TLK2: variants seen among roughly 807,000 people sequenced by gnomAD.
The protein encoded by TLK2 is serine/threonine-protein kinase tousled-like 2.
In TLK2, 6 loss-of-function variants were observed where a neutral mutation model predicts 117.3. That is an observed-to-expected ratio of 0.05 (90% CI 0.03 to 0.10). TLK2 has a LOEUF of 0.10. TLK2 is among the 10% of genes least tolerant of loss of function. TLK2 has a pLI of 1.00. For missense variants in TLK2, 299 were observed against 901.2 expected, an observed-to-expected ratio of 0.33 and a Z score of 8.56; for synonymous variants, 257 against 316.7, an observed-to-expected ratio of 0.81 and a Z score of 2.00.
At chr17:62,589,957 C>T (rs8068168) in intron 16 of TLK2, among the ~76,000 whole-genome samples, 3,700 of 151,626 alleles carry the variant, frequency 0.024, 140 homozygotes, top group African/African-American at 0.084. Context: ...CATGTGCCTG[C>T]CACCAAGCCT....
chr17:62,481,261 T>A, intron 2 of TLK2, 55 bp downstream of exon 2: 1 of 1,597,154 alleles, frequency 6.3e-7, no homozygotes, highest in Non-Finnish European at 8.6e-7. Context: ...AACACATTTT[T>A]TAAATGATTA....
At chr17:62,595,431 A>G (rs1395320519) in intron 16 of TLK2, among the ~76,000 whole-genome samples, 1 of 151,970 alleles carries the variant, frequency 6.6e-6, no homozygotes, top group African/African-American at 2.4e-5. Context: ...TAGGTGCTAG[A>G]CTTTAATATG....
chr17:62,549,419 A>AAAAAAAAAAAAAATT, intron 7 of TLK2, among the ~76,000 whole-genome samples: 1 of 7,760 alleles, frequency 1.3e-4, no homozygotes, highest in Non-Finnish European at 4.8e-4. Context: ...AAAAAAAAAA[A>AAAAAAAAAAAAAATT]AAAAAAAAAA....
At chr17:62,496,318 G>A (rs1329500979) in intron 2 of TLK2, among the ~76,000 whole-genome samples, 2 of 152,060 alleles carry the variant, frequency 1.3e-5, no homozygotes, top group Non-Finnish European at 2.9e-5. Flanking sequence ...CCTGTTGATG[G>A]ACACTTAGAT....
chr17:62,485,105 T>G (rs1336897909), intron 2 of TLK2, among the ~76,000 whole-genome samples: 1 of 152,174 alleles, frequency 6.6e-6, no homozygotes, highest in African/African-American at 2.4e-5. Context: ...CAAAAAAGAT[T>G]TCAGCCCCTG....
rs1006351065 is a variant in TLK2 at position 62,606,152 on chromosome 17, G to T, written c.1882G>T (p.Val628Leu). The T allele has an allele frequency of 1.3e-6, 2 of 1,572,702 alleles. No individual in the cohort carries two copies. The highest frequency in any genetic ancestry group is 8.7e-7 in the Non-Finnish European group (1 of 1,153,190). ...TYWYLPPECF[V>L]VGKEPPKISN... Reference sequence around the variant, plus strand: ...CAGGTATTTACCACCAGAGTGTTTTGTGGTTGGGAAAGAACCACCAAAGAT... The same window carrying T: ...CAGGTATTTACCACCAGAGTGTTTTTTGGTTGGGAAAGAACCACCAAAGAT... Residue 628 changes from valine to leucine, a missense_variant, in exon 20 of 22, where the codon GTG (valine) becomes TTG (leucine). By Grantham distance (32) the Val-to-Leu change is conservative. Around this residue, in one of 4 missense-constraint regions of TLK2, gnomAD observed 81 missense variants for 370.9 expected, o/e 0.22. Transcript: ENST00000346027.
chr17:62,516,410 C>G, intron 2 of TLK2: 2 of 1,589,378 alleles, frequency 1.3e-6, no homozygotes, highest in Admixed American at 1.7e-5. Flanking sequence ...GCTTTCTTGT[C>G]GGCACCAGGT....
chr17:62,600,176 G>A (rs1180213105), intron 17 of TLK2: 1 of 152,590 alleles, frequency 6.6e-6, no homozygotes, highest in South Asian at 2.1e-4. Flanking sequence ...TTTGCAGTGC[G>A]AATTGTGTAC....
chr17:62,600,917 G>T (rs888175564), intron 18 of TLK2, 97 bp downstream of exon 18: 1 of 1,256,918 alleles, frequency 8.0e-7, no homozygotes. Context: ...CAGCAGCCAA[G>T]AAAGGCTAAT....
intron 2 of TLK2, among the ~76,000 whole-genome samples, chr17:62,515,755 A>G (rs2075528783): frequency 6.6e-6 from 1 of 152,196 alleles, no homozygotes; most frequent in African/African-American, 2.4e-5. Context: ...GTAAATTGCA[A>G]GCATTTTCTC....
At chr17:62,487,620 CTTTTTTTTTT>C (rs71155932) in intron 2 of TLK2, among the ~76,000 whole-genome samples, 1 of 104,310 alleles carries the variant, frequency 9.6e-6, no homozygotes, top group Non-Finnish European at 1.7e-5. Flanking sequence ...TGGCAAGTAT[CTTTTTTTTTT>C]TTTTTTTTTT....
intron 16 of TLK2, among the ~76,000 whole-genome samples, chr17:62,590,845 G>T (rs879890633): frequency 1.3e-5 from 2 of 152,168 alleles, no homozygotes; most frequent in African/African-American, 2.4e-5. Context: ...AAATAAAAAC[G>T]TACATACTTT....
intron 19 of TLK2, among the ~76,000 whole-genome samples, chr17:62,602,911 C>T (rs953902092): frequency 2.6e-5 from 4 of 152,088 alleles, no homozygotes; most frequent in African/African-American, 4.8e-5. Flanking sequence ...AAAGCTTCCT[C>T]TTCCATTTTG....
upstream of TLK2, among the ~76,000 whole-genome samples, chr17:62,476,986 A>T (rs2071067396): frequency 6.6e-6 from 1 of 151,640 alleles, no homozygotes; most frequent in Non-Finnish European, 1.5e-5. Flanking sequence ...GCTACTCAGG[A>T]GGCTGAGGCA....
chr17:62,604,417 TA>T (rs1434289065), intron 19 of TLK2, among the ~76,000 whole-genome samples: 20 of 152,192 alleles, frequency 1.3e-4, no homozygotes, highest in Non-Finnish European at 2.1e-4. Flanking sequence ...TATATATATA[TA>T]TATTTTTAGC....
At chr17:62,487,392 G>A (rs1285513727) in intron 2 of TLK2, among the ~76,000 whole-genome samples, 2 of 151,292 alleles carry the variant, frequency 1.3e-5, no homozygotes, top group African/African-American at 2.4e-5. Context: ...GTCAGCACGC[G>A]CCTGTAGTCC....
intron 16 of TLK2, among the ~76,000 whole-genome samples, chr17:62,590,400 C>T (rs2081989176): frequency 6.6e-6 from 1 of 152,132 alleles, no homozygotes; most frequent in Non-Finnish European, 1.5e-5. Context: ...GATCGCGCCA[C>T]TGTATGTACT....
intron 12 of TLK2, among the ~76,000 whole-genome samples, chr17:62,574,598 A>G (rs567307958): frequency 5.3e-5 from 8 of 151,976 alleles, no homozygotes; most frequent in African/African-American, 1.2e-4. Context: ...GCTCACTGAA[A>G]CCTGTCTTCT....
intron 15 of TLK2, chr17:62,585,920 A>G (rs2081576735): frequency 4.8e-6 from 2 of 413,976 alleles, no homozygotes; most frequent in Non-Finnish European, 4.4e-6. Context: ...GCCTGGTTTT[A>G]TGTTCTAAAT....
Sources: gnomAD v4.1 joint callset for allele counts (sites outside exome capture counted in the v4.1 genomes callset) on GRCh38, gnomAD v4.1.1 for gene constraint, gnomAD v4.1.1 regional missense constraint, MANE v1.5 for transcripts, NCBI Gene and HGNC (gene_info 2026-07-23, HGNC 2026-07-21) for gene names.